The following CCNH variants were observed in gnomAD, a reference collection of about 807,000 sequenced individuals.
CCNH encodes cyclin H.
Under a neutral mutation model 41.9 loss-of-function variants are expected in CCNH, and 31 were observed. The observed-to-expected ratio is 0.74, with a 90% CI of 0.56 to 1.00. CCNH has a LOEUF of 1.00. Ranked by LOEUF, CCNH falls within the 50% of genes least tolerant of loss-of-function variation. The probability of loss-of-function intolerance (pLI) is 0.00; values close to 1 mark genes in which losing one functional copy is unlikely to be tolerated. For missense variants in CCNH, 362 were observed against 388.4 expected (o/e 0.93, Z 0.57); for synonymous variants, 138 against 136.1 (o/e 1.01, Z -0.10).
intron 9 of CCNH, among the ~76,000 whole-genome samples, chr5:87,384,703 A>G (rs1449804450): frequency 1.3e-5 from 2 of 152,154 alleles, no homozygotes; most frequent in African/African-American, 2.4e-5. Context: ...GCTTATATTT[A>G]ATAGACACCA....
intron 9 of CCNH, chr5:87,369,679 G>A (rs2112474414): frequency 1.5e-6 from 1 of 652,730 alleles, no homozygotes; most frequent in South Asian, 2.0e-5. Context: ...GTAATGATCT[G>A]GTACAATGGA....
rs1318840175 is a variant in CCNH, at chr5:87,411,108, CTAAT to C, written c.240+112_240+115del. ...TGAAAAATATATAATGTGCCAAAAA[CTAAT>C]TAATTGTAACTAAGGTGAATTTTTA... On this transcript the variant is annotated intron_variant, in intron 2 of 8. Coordinates refer to ENST00000256897, the MANE Select transcript of CCNH (RefSeq NM_001239.4). The C allele has an allele frequency of 3.8e-6, 4 of 1,053,978 alleles. No individual in the cohort carries two copies. In the African/African-American group the frequency reaches 6.5e-5, roughly 17 times the overall value. 65.3% of individuals were successfully genotyped at this position (1,053,978 alleles called of 1,614,324 possible). A position where few individuals can be genotyped will look rare whatever the true frequency, so the allele number is the denominator to read the frequency against.
chr5:87,379,695 T>C (rs200947598), upstream of CCNH: 10 of 1,604,330 alleles, frequency 6.2e-6, no homozygotes, highest in Non-Finnish European at 8.5e-6. Context: ...GCATTTGTCA[T>C]TGCCAACATG....
chr5:87,398,428 CAAAT>C (rs1763131540), intron 7 of CCNH, among the ~76,000 whole-genome samples: 1 of 152,104 alleles, frequency 6.6e-6, no homozygotes, highest in South Asian at 2.1e-4. Flanking sequence ...TAAATTTTAA[CAAAT>C]AAGGTATAAC....
intron 9 of CCNH, chr5:87,349,373 T>C: frequency 6.2e-7 from 1 of 1,611,010 alleles, no homozygotes; most frequent in Non-Finnish European, 8.5e-7. Context: ...AGGTAAATCA[T>C]AATTTTTTAG....
chr5:87,394,063 A>G, downstream of CCNH: 1 of 168,352 alleles, frequency 5.9e-6, no homozygotes, highest in Admixed American at 6.4e-5. Flanking sequence ...GGCATTCAAA[A>G]AGCCATTTAT....
chr5:87,316,347 C>T (rs1180930825), downstream of CCNH, among the ~76,000 whole-genome samples: 9 of 152,014 alleles, frequency 5.9e-5, no homozygotes, highest in Non-Finnish European at 1.0e-4. Flanking sequence ...AAAATAGCTG[C>T]GGAAAAAATA....
At chr5:87,375,932 C>A (rs899155444), downstream of CCNH, among the ~76,000 whole-genome samples, 17 of 152,148 alleles carry the variant, frequency 1.1e-4, no homozygotes, top group African/African-American at 3.9e-4. Context: ...GAAGGCCATA[C>A]CTTATATTTG....
chr5:87,411,256 C>A lies in CCNH; in HGVS notation c.208G>T (p.Val70Leu). 1 of 1,612,392 alleles carries A rather than the reference C, an allele frequency of 6.2e-7. No individual in the cohort carries two copies. The highest frequency in any genetic ancestry group is 8.5e-7 in the Non-Finnish European group (1 of 1,179,258). ...YEKRLLEFCSVFKPAMPRSVV... is the reference protein window; with the variant it reads ...YEKRLLEFCSLFKPAMPRSVV... ...GATCTTGGCATTGCTGGCTTAAACA[C>A]CGAACAGAATTCCAATAACCTTTTC... Residue 70 changes from valine (V) to leucine (L), a missense_variant, in exon 2 of 9, where the codon GTG becomes TTG. Coordinates refer to ENST00000256897, the MANE Select transcript of CCNH (RefSeq NM_001239.4).
At chr5:87,363,618 A>G (rs562660748) in intron 9 of CCNH, 3 of 1,202,220 alleles carry the variant, frequency 2.5e-6, no homozygotes, top group African/African-American at 1.5e-5. Flanking sequence ...TAGCAGATGC[A>G]CTTTCTAGGT....
intron 9 of CCNH, chr5:87,369,705 G>A (rs1484387683): frequency 3.9e-6 from 3 of 771,938 alleles, no homozygotes; most frequent in Admixed American, 2.3e-5. Flanking sequence ...ATTTCTTTAA[G>A]AATTATAATT....
chr5:87,314,004 C>T (rs1166262528), downstream of CCNH, among the ~76,000 whole-genome samples: 1 of 151,582 alleles, frequency 6.6e-6, no homozygotes, highest in East Asian at 1.9e-4. Context: ...CCTGTCTCTA[C>T]TAAAAATACA....
upstream of CCNH, chr5:87,380,609 A>G (rs1186344701): frequency 2.1e-5 from 33 of 1,592,714 alleles, no homozygotes; most frequent in African/African-American, 2.7e-5. Context: ...AGGCTCATCA[A>G]TTGATTTGTT....
intron 9 of CCNH, among the ~76,000 whole-genome samples, chr5:87,362,383 G>A (rs1760172364): frequency 6.6e-6 from 1 of 152,138 alleles, no homozygotes; most frequent in African/African-American, 2.4e-5. Flanking sequence ...GAAATTATAA[G>A]GAAGCATTTC....
chr5:87,338,898 C>T lies in CCNH; in HGVS notation c.*91-20001G>A, dbSNP rs544247007. 2.0e-5 allele frequency among the ~76,000 whole-genome samples: 3 copies of T among 151,756 alleles called. No homozygotes were observed. The East Asian group carries it at 5.8e-4, about 29-fold the overall frequency. Reference sequence around the variant, plus strand: ...TGAATCTCGTCCTTGTTTTTGTTTCCATCATATAATACGTTATCATGGTAT... The same window carrying T: ...TGAATCTCGTCCTTGTTTTTGTTTCTATCATATAATACGTTATCATGGTAT... On this transcript the variant is annotated intron_variant and NMD_transcript_variant, in intron 9 of 9. Coordinates refer to the CCNH transcript ENST00000645953.
downstream of CCNH, among the ~76,000 whole-genome samples, chr5:87,388,894 G>A (rs1367437602): frequency 3.3e-5 from 5 of 151,986 alleles, no homozygotes; most frequent in African/African-American, 7.3e-5. Flanking sequence ...GATTTTTTCA[G>A]ATACAAAGCT....
At chr5:87,338,353 A>G (rs995759474) in intron 9 of CCNH, among the ~76,000 whole-genome samples, 1 of 150,590 alleles carries the variant, frequency 6.6e-6, no homozygotes, top group African/African-American at 2.4e-5. Context: ...TTCTTTTGAG[A>G]CAGAGTCTTG....
downstream of CCNH, chr5:87,372,241 AAC>A: frequency 6.5e-7 from 1 of 1,532,156 alleles, no homozygotes; most frequent in East Asian, 2.3e-5. Flanking sequence ...ATTTTGCTCT[AAC>A]ACTTTGCTCT....
Position 87,343,762 on chromosome 5 carries a change from C to T in CCNH, c.*91-24865G>A, listed in dbSNP as rs1896693. Among the ~76,000 whole-genome samples the T allele has an allele frequency of 0.018, 2,785 of 152,252 alleles. 345 individuals are homozygous for T. The East Asian group carries it at 0.35, about 19-fold the overall frequency. On this transcript the variant is annotated intron_variant and NMD_transcript_variant, in intron 9 of 9. Coordinates refer to the CCNH transcript ENST00000645953. ...GGAAATCAGTGTATCAAAGAGACAGCTGCACTCCTATGTTTCAGCACCATT... is the reference window on the plus strand; with the variant it reads ...GGAAATCAGTGTATCAAAGAGACAGTTGCACTCCTATGTTTCAGCACCATT...
Sources: gnomAD v4.1 joint callset for allele counts (sites outside exome capture counted in the v4.1 genomes callset) on GRCh38, gnomAD v4.1.1 for gene constraint, MANE v1.5 for transcripts, NCBI Gene and HGNC (gene_info 2026-07-23, HGNC 2026-07-21) for gene names.